The following ARFGAP1 variants were observed in gnomAD, a reference collection of about 807,000 sequenced individuals.
The protein encoded by ARFGAP1 is ADP-ribosylation factor GTPase-activating protein 1.
A neutral mutation model predicts 54.0 loss-of-function variants in ARFGAP1; 26 were observed. The observed-to-expected ratio is 0.48, with a 90% CI of 0.35 to 0.67. ARFGAP1 has a LOEUF of 0.67. Ranked by LOEUF, ARFGAP1 falls within the 30% of genes least tolerant of loss-of-function variation. The pLI is 0.00. For synonymous variants in ARFGAP1, 248 were observed against 211.9 expected, an observed-to-expected ratio of 1.17 and a Z score of -1.48; for missense variants, 525 against 535.8, an observed-to-expected ratio of 0.98 and a Z score of 0.20.
At chr20:63,279,849 A>T (rs2067332034) in intron 7 of ARFGAP1, among the ~76,000 whole-genome samples, 1 of 152,232 alleles carries the variant, frequency 6.6e-6, no homozygotes, top group South Asian at 2.1e-4. Context: ...ATCTTTAAAA[A>T]ATGATTTTTG....
intron 1 of ARFGAP1, 75 bp from the exon 2 acceptor site, chr20:63,275,502 T>G: frequency 1.4e-6 from 2 of 1,432,662 alleles, no homozygotes; most frequent in Non-Finnish European, 1.9e-6. Context: ...TGTGGTGTTT[T>G]TGGACAGACG....
chr20:63,275,908 C>T (rs985871289), intron 2 of ARFGAP1, among the ~76,000 whole-genome samples, 183 bp from the exon 3 acceptor site: 15 of 152,210 alleles, frequency 9.9e-5, no homozygotes, highest in African/African-American at 3.1e-4. Context: ...AGGTCCGCCT[C>T]GTCTTCCCAT....
intron 9 of ARFGAP1, chr20:63,284,220 G>C: frequency 8.1e-7 from 1 of 1,237,912 alleles, no homozygotes; most frequent in African/African-American, 1.5e-5. Context: ...CTGCTGAGCA[G>C]GGTTTCCTGG....
In ARFGAP1 at chr20:63,276,861, G is replaced by A. The variant is rs972677240; in HGVS notation, c.342+210G>A. 3.1e-5 allele frequency: 18 copies of A among 572,224 alleles called. No individual in the cohort carries two copies. The highest frequency in any genetic ancestry group is 9.6e-5 in the Admixed American group (3 of 31,366). 35.4% of individuals were successfully genotyped at this position (572,224 alleles called of 1,614,324 possible). A position where few individuals can be genotyped will look rare whatever the true frequency, so the allele number is the denominator to read the frequency against. On this transcript the variant is annotated intron_variant, in intron 4 of 12. Coordinates refer to ENST00000370283, the MANE Select transcript of ARFGAP1 (RefSeq NM_018209.4). The surrounding 1 kb of genome is among the most constrained non-coding windows in gnomAD (Gnocchi z 5.2). ...TTGCGGGGGGAGACAGACCTTCCCC[G>A]CCTCCAGGGGAGAAAGCAGCTGTGA...
intron 7 of ARFGAP1, among the ~76,000 whole-genome samples, chr20:63,279,653 G>T (rs899111374): frequency 2.6e-5 from 4 of 152,196 alleles, no homozygotes; most frequent in Admixed American, 1.3e-4. Context: ...CTCTGTGCTT[G>T]GGTCTCTGGC....
chr20:63,281,117 T>C (rs1029822603), intron 7 of ARFGAP1, among the ~76,000 whole-genome samples, 174 bp from the exon 8 acceptor site: 3 of 152,162 alleles, frequency 2.0e-5, no homozygotes, highest in African/African-American at 4.8e-5. Context: ...TGTTGTGCCC[T>C]GGGTCCAGTT....
In ARFGAP1 at chr20:63,276,330, G is replaced by T. The variant is rs2067237185; in HGVS notation, c.170+130G>T. The T allele has an allele frequency of 7.3e-7, 1 of 1,363,400 alleles. No homozygotes were observed. 84.5% of individuals were successfully genotyped at this position (1,363,400 alleles called of 1,614,324 possible). A position where few individuals can be genotyped will look rare whatever the true frequency, so the allele number is the denominator to read the frequency against. ...CATTGCATTGCCAGTGTCCACTCTAGTGACGCCATGGCACAGAGTTCCAGC... is the reference window on the plus strand; with the variant it reads ...CATTGCATTGCCAGTGTCCACTCTATTGACGCCATGGCACAGAGTTCCAGC... On this transcript the variant is annotated intron_variant, in intron 3 of 12. Transcript: ENST00000370283. The surrounding 1 kb of genome is among the most constrained non-coding windows in gnomAD (Gnocchi z 5.2).
intron 5 of ARFGAP1, 46 bp downstream of exon 5, chr20:63,277,351 G>A: frequency 6.7e-7 from 1 of 1,483,738 alleles, no homozygotes; most frequent in Non-Finnish European, 9.1e-7. Context: ...ACTGGGTCCT[G>A]AACTTAGTAG....
rs570258682 is a variant in ARFGAP1, at chr20:63,288,440, C to T, written c.*567C>T. 1 of 456,006 alleles carries T rather than the reference C, an allele frequency of 2.2e-6. No homozygotes were observed. Among genetic ancestry groups the T allele is most frequent in the African/African-American group, 2.0e-5 (1 of 50,078 alleles). 28.2% of individuals were successfully genotyped at this position (456,006 alleles called of 1,614,324 possible). ...CCTGCCTGGGCCTGTGCTGTCAGAC[C>T]CGCGTCGGTCGTAACCCTCTGTGGC... On this transcript the variant is annotated 3_prime_UTR_variant, in exon 13 of 13. Transcript: ENST00000370283.
chr20:63,278,689 G>T, intron 6 of ARFGAP1: 1 of 572,828 alleles, frequency 1.7e-6, no homozygotes. Flanking sequence ...GACTTGCTGG[G>T]GACCCTGTGG....
rs1363395420 is a variant in ARFGAP1 at position 63,283,772 on chromosome 20, G to A, written c.717+921G>A. On this transcript the variant is annotated intron_variant, in intron 9 of 12. Transcript: ENST00000370283. ...CTTAGTGTTGCGGCACCCCATGGTG[G>A]GTTCGAAGGCGCTGCTGGTTACTAA... is the stretch of plus-strand genomic sequence containing the variant. 4 of 1,539,998 alleles carry A rather than the reference G, an allele frequency of 2.6e-6. No homozygotes were observed. The African/African-American group carries it at 4.1e-5, about 16-fold the overall frequency.
At chr20:63,279,630 A>G (rs1037317201) in intron 7 of ARFGAP1, among the ~76,000 whole-genome samples, 1 of 152,278 alleles carries the variant, frequency 6.6e-6, no homozygotes, top group South Asian at 2.1e-4. Flanking sequence ...TGCTACATGC[A>G]TTGGGAAGCT....
At chr20:63,284,457 T>A in intron 9 of ARFGAP1, 1 of 1,098,510 alleles carries the variant, frequency 9.1e-7, no homozygotes, top group Non-Finnish European at 1.1e-6. Context: ...CTCCGTGCCC[T>A]CTTCCCTCCA....
In ARFGAP1 at chr20:63,278,168, A is replaced by G. The variant is rs764864171; in HGVS notation, c.495A>G (p.Glu165=). The change falls in exon 6 of 13, where the codon GAA becomes GAG. Residue 165 remains glutamate (E), a synonymous_variant. Transcript: ENST00000370283. Reference sequence around the variant, plus strand: ...CCGCCTCCTCGGACAAGGCTTTTGAAGACTGGCTGAATGATGACCTCGGCT... The same window carrying G: ...CCGCCTCCTCGGACAAGGCTTTTGAGGACTGGCTGAATGATGACCTCGGCT... ...SVTASSDKAF[E]DWLNDDLGSY... is the part of the protein sequence containing the mutation. The G allele has an allele frequency of 7.4e-6, 12 of 1,613,694 alleles. No individual in the cohort carries two copies. In the Admixed American group the frequency reaches 1.7e-4, roughly 22 times the overall value.
chr20:63,278,421 T>TGGG (rs3215650), intron 6 of ARFGAP1: 2 of 518,230 alleles, frequency 3.9e-6, no homozygotes, highest in East Asian at 3.5e-5. Context: ...AGGTGTGAAT[T>TGGG]GGGGGGTCTT....
At chr20:63,285,914 C>A in intron 11 of ARFGAP1, 1 of 1,464,104 alleles carries the variant, frequency 6.8e-7, no homozygotes, top group East Asian at 2.5e-5. Context: ...GCCCGGTCAG[C>A]CACTAACTGT....
chr20:63,282,736 G>A lies in ARFGAP1; in HGVS notation c.685-83G>A, dbSNP rs1279887368. 5 of 1,472,518 alleles carry A rather than the reference G, an allele frequency of 3.4e-6. No homozygotes were observed. The East Asian group carries it at 6.8e-5, about 20-fold the overall frequency. 91.2% of individuals were successfully genotyped at this position (1,472,518 alleles called of 1,614,324 possible). ...CGGGGGCCATTGAGAGACAGTCCTG[G>A]ACCTGAGTCTGTGGGCCCTGAGGAA... is the stretch of plus-strand genomic sequence containing the variant. On this transcript the variant is annotated intron_variant, in intron 8 of 12. Coordinates refer to ENST00000370283, the MANE Select transcript of ARFGAP1 (RefSeq NM_018209.4).
Position 63,287,951 on chromosome 20 carries a change from C to G in ARFGAP1, c.*78C>G. 4 of 1,405,848 alleles carry G rather than the reference C, an allele frequency of 2.8e-6. No homozygotes were observed. The highest frequency in any genetic ancestry group is 2.8e-6 in the Non-Finnish European group (3 of 1,066,374). 87.1% of individuals were successfully genotyped at this position (1,405,848 alleles called of 1,614,324 possible). ...CTGCCCTCGTCGTTCCTCCTCCTTC[C>G]ATTTGACCCAAGAATCAGCAACTGC... is the stretch of plus-strand genomic sequence containing the variant. On this transcript the variant is annotated 3_prime_UTR_variant, in exon 13 of 13. Coordinates refer to ENST00000370283, the MANE Select transcript of ARFGAP1 (RefSeq NM_018209.4).
rs576859761 is a variant in ARFGAP1, at chr20:63,288,142, C to A, written c.*269C>A. ...CATTCTTGGACTCAAGGCCGGGGCT[C>A]TGCGTGGCTTGCTGGGAGGTGGGCT... On this transcript the variant is annotated 3_prime_UTR_variant, in exon 13 of 13. Coordinates refer to ENST00000370283, the MANE Select transcript of ARFGAP1 (RefSeq NM_018209.4). 2.8e-5 allele frequency: 17 copies of A among 598,626 alleles called. 1 individual carries two copies. In the South Asian group the frequency reaches 3.1e-4, roughly 11 times the overall value. 37.1% of individuals were successfully genotyped at this position (598,626 alleles called of 1,614,324 possible). A position where few individuals can be genotyped will look rare whatever the true frequency, so the allele number is the denominator to read the frequency against.
Sources: gnomAD v4.1 joint callset for allele counts (sites outside exome capture counted in the v4.1 genomes callset) on GRCh38, gnomAD v4.1.1 for gene constraint, Gnocchi (gnomAD v3.1) non-coding constraint, MANE v1.5 for transcripts, NCBI Gene and HGNC (gene_info 2026-07-23, HGNC 2026-07-21) for gene names.